OBI1: variants seen among roughly 807,000 people sequenced by gnomAD.
The protein encoded by OBI1 is ring finger protein 219.
A neutral mutation model predicts 62.4 loss-of-function variants in OBI1; 59 were observed. The observed-to-expected ratio is 0.95, with a 90% CI of 0.77 to 1.17. The LOEUF is 1.17. Among genes scored for constraint, OBI1 ranks in the 50% most tolerant of loss-of-function variants. The pLI is 0.00. For missense variants in OBI1, 875 were observed against 830.9 expected (o/e 1.05, Z -0.65); for synonymous variants, 302 against 292.8 (o/e 1.03, Z -0.32).
chr13:78,645,659 A>AC (rs1876360044), intron 1 of OBI1, among the ~76,000 whole-genome samples: 1 of 151,510 alleles, frequency 6.6e-6, no homozygotes, highest in East Asian at 1.9e-4. Flanking sequence ...CATTTATAGC[A>AC]TTTTTTTTTG....
intron 5 of OBI1, among the ~76,000 whole-genome samples, chr13:78,621,471 G>C (rs1027453090): frequency 6.6e-6 from 1 of 152,120 alleles, no homozygotes; most frequent in African/African-American, 2.4e-5. Flanking sequence ...TGTGCAGCTG[G>C]GCTGCTCCTT....
intron 1 of OBI1, among the ~76,000 whole-genome samples, chr13:78,654,048 C>T (rs1226316770): frequency 9.4e-6 from 1 of 106,596 alleles, no homozygotes; most frequent in South Asian, 3.1e-4. Context: ...AAAAAAAAAA[C>T]CTGTGTGAAA....
rs528648666 is a variant in OBI1 at position 78,635,147 on chromosome 13, G to A, written c.601C>T (p.Arg201Ter). 30 of 1,610,758 alleles carry A rather than the reference G, an allele frequency of 1.9e-5. No homozygotes were observed. Among genetic ancestry groups the A allele is most frequent in the Admixed American group, 5.0e-5 (3 of 59,658 alleles). The stretch of plus-strand genomic sequence containing the variant: ...CTGTTATCAACTTCAGCCTTCAGTC[G>A]TAAATTCTCCCTCACCAGACCACCA... ...ENGGLVRENL[R>*]LKAEVDNRSP... The change falls in exon 5 of 6, where the codon CGA (arginine) becomes TGA (stop). Residue 201 changes from arginine (R) to a stop codon, truncating the protein, a stop_gained. Coordinates refer to ENST00000282003, the MANE Select transcript of OBI1 (RefSeq NM_024546.4). LOFTEE classifies it high-confidence loss of function.
At chr13:78,622,404 G>T (rs188025289) in intron 5 of OBI1, among the ~76,000 whole-genome samples, 9 of 152,226 alleles carry the variant, frequency 5.9e-5, no homozygotes, top group African/African-American at 2.2e-4. Flanking sequence ...ATAAAGTAAT[G>T]GTTGATATGG....
chr13:78,637,926 C>T (rs780560912), intron 4 of OBI1, among the ~76,000 whole-genome samples: 1 of 152,168 alleles, frequency 6.6e-6, no homozygotes, highest in Non-Finnish European at 1.5e-5. Context: ...AGCCAATATA[C>T]AGGGGAACTC....
At chr13:78,656,126 C>T (rs1876693894) in intron 1 of OBI1, among the ~76,000 whole-genome samples, 1 of 152,142 alleles carries the variant, frequency 6.6e-6, no homozygotes, top group Non-Finnish European at 1.5e-5. Flanking sequence ...GAGGGCTGGC[C>T]TCAATGGCTA....
intron 5 of OBI1, among the ~76,000 whole-genome samples, chr13:78,629,491 G>A (rs1446819365): frequency 6.6e-6 from 1 of 152,006 alleles, no homozygotes; most frequent in Non-Finnish European, 1.5e-5. Context: ...GAAAAAAAAA[G>A]TGGCACAACT....
At chr13:78,654,023 C>T (rs1419204004) in intron 1 of OBI1, among the ~76,000 whole-genome samples, 1 of 63,436 alleles carries the variant, frequency 1.6e-5, no homozygotes, top group Non-Finnish European at 3.4e-5. Flanking sequence ...GGTCCTATAA[C>T]TTAAGGAAAA....
At position 78,628,650 on chromosome 13, in the gene OBI1, C is replaced by T. The variant is rs971023693; in HGVS notation, c.638+6460G>A. Among the ~76,000 whole-genome samples, 12 of 152,134 alleles carry T rather than the reference C, an allele frequency of 7.9e-5. No individual in the cohort carries two copies. The South Asian group carries it at 2.5e-3, about 32-fold the overall frequency. On this transcript the variant is annotated intron_variant, in intron 5 of 5. Coordinates refer to ENST00000282003, the MANE Select transcript of OBI1 (RefSeq NM_024546.4). Reference sequence around the variant, plus strand: ...GAGTCTGGATTTTATTCTAGGAAAACACTGAATAGTTTTAAGCAGGAGATT... The same window carrying T: ...GAGTCTGGATTTTATTCTAGGAAAATACTGAATAGTTTTAAGCAGGAGATT...
intron 5 of OBI1, among the ~76,000 whole-genome samples, chr13:78,624,044 A>C (rs58625506): frequency 0.013 from 2,008 of 152,322 alleles, 46 homozygotes; most frequent in African/African-American, 0.046. Flanking sequence ...TATGTATGAT[A>C]AACTTGCCTG....
At chr13:78,618,201 A>G (rs1875382430) in intron 5 of OBI1, among the ~76,000 whole-genome samples, 1 of 152,178 alleles carries the variant, frequency 6.6e-6, no homozygotes, top group Non-Finnish European at 1.5e-5. Flanking sequence ...AATTCTTTTC[A>G]AAGCCTATTC....
chr13:78,617,249 T>C (rs1348171903), intron 5 of OBI1, 127 bp from the exon 6 acceptor site: 5 of 627,002 alleles, frequency 8.0e-6, no homozygotes, highest in Non-Finnish European at 1.3e-5. Context: ...ACTCAATGAG[T>C]AGGGCAAATG....
intron 1 of OBI1, among the ~76,000 whole-genome samples, chr13:78,655,420 T>G (rs1473372214): frequency 3.9e-5 from 6 of 152,142 alleles, no homozygotes; most frequent in Non-Finnish European, 8.8e-5. Flanking sequence ...CCTAACTTCT[T>G]CAGGCCACAT....
intron 2 of OBI1, among the ~76,000 whole-genome samples, chr13:78,642,569 A>G (rs1459044614): frequency 6.6e-6 from 1 of 152,254 alleles, no homozygotes; most frequent in African/African-American, 2.4e-5. Context: ...TTACATTTAC[A>G]TTTAACCAAG....
intron 5 of OBI1, among the ~76,000 whole-genome samples, chr13:78,631,890 G>C (rs1875862930): frequency 6.6e-6 from 1 of 151,898 alleles, no homozygotes; most frequent in Non-Finnish European, 1.5e-5. Flanking sequence ...AAAAGATTAT[G>C]GTATTGTTTT....
intron 1 of OBI1, 39 bp downstream of exon 1, chr13:78,659,010 C>T: frequency 6.3e-7 from 1 of 1,591,484 alleles, no homozygotes; most frequent in South Asian, 1.1e-5. Flanking sequence ...GCGACTTATC[C>T]AACCCCGTTT....
intron 3 of OBI1, among the ~76,000 whole-genome samples, chr13:78,640,713 T>C (rs1386265266): frequency 2.0e-5 from 3 of 152,076 alleles, no homozygotes; most frequent in Non-Finnish European, 2.9e-5. Context: ...GGCAGGAGAA[T>C]TGCTTGAACC....
chr13:78,617,393 T>C (rs962745293), intron 5 of OBI1: 1 of 317,124 alleles, frequency 3.2e-6, no homozygotes. Context: ...AATGTGCTGA[T>C]GATTTCCCCT....
intron 1 of OBI1, among the ~76,000 whole-genome samples, chr13:78,645,705 C>T (rs560568623): frequency 6.6e-6 from 1 of 152,168 alleles, no homozygotes; most frequent in South Asian, 2.1e-4. Flanking sequence ...GGCTGGAGTA[C>T]AGTGGCACCA....
Sources: allele counts gnomAD v4.1 joint callset (sites outside exome capture counted in the v4.1 genomes callset), GRCh38; gene constraint gnomAD v4.1.1; transcripts MANE v1.5; gene names NCBI Gene and HGNC (gene_info 2026-07-23, HGNC 2026-07-21).